The following PTPRM variants were observed in gnomAD, a reference collection of about 807,000 sequenced individuals.
The protein encoded by PTPRM is receptor-type tyrosine-protein phosphatase mu.
Under a neutral mutation model 186.7 loss-of-function variants are expected in PTPRM, and 47 were observed. That is an observed-to-expected ratio of 0.25 (90% CI 0.20 to 0.32). The LOEUF (loss-of-function observed/expected upper bound fraction) is 0.32. PTPRM is among the 10% of genes least tolerant of loss of function. PTPRM has a pLI of 1.00. For synonymous variants in PTPRM, 668 were observed against 674.9 expected, an observed-to-expected ratio of 0.99 and a Z score of 0.16; for missense variants, 1,494 against 1,865.0, an observed-to-expected ratio of 0.80 and a Z score of 3.66.
chr18:7,658,537 G>T (rs1197578305), intron 1 of PTPRM, among the ~76,000 whole-genome samples: 1 of 151,980 alleles, frequency 6.6e-6, no homozygotes, highest in Non-Finnish European at 1.5e-5. Context: ...GTTAGGGGTT[G>T]CATGTCTGAT....
Position 7,568,842 on chromosome 18 carries a change from G to A in PTPRM, c.73+951G>A, listed in dbSNP as rs569502501. On this transcript the variant is annotated intron_variant, in intron 1 of 32. Coordinates refer to ENST00000580170, the MANE Select transcript of PTPRM (RefSeq NM_001105244.2). The surrounding 1 kb of genome is among the most constrained non-coding windows in gnomAD (Gnocchi z 5.1). ...GGGCGAACCCGGCACGCTGTCACAGGGGTTTACAACCAGGATGACCTTTAT... is the reference window on the plus strand; with the variant it reads ...GGGCGAACCCGGCACGCTGTCACAGAGGTTTACAACCAGGATGACCTTTAT... 1.8e-4 allele frequency among the ~76,000 whole-genome samples: 28 copies of A among 152,272 alleles called. No homozygotes were observed. The highest frequency in any genetic ancestry group is 3.1e-4 in the Non-Finnish European group (21 of 68,026).
chr18:8,258,946 T>C (rs2094600896), intron 19 of PTPRM, among the ~76,000 whole-genome samples: 1 of 152,172 alleles, frequency 6.6e-6, no homozygotes, highest in African/African-American at 2.4e-5. Flanking sequence ...CGTACTTTTT[T>C]TGTTTTTGTT....
At chr18:8,301,883 G>A (rs1341877096) in intron 20 of PTPRM, among the ~76,000 whole-genome samples, 1 of 152,244 alleles carries the variant, frequency 6.6e-6, no homozygotes, top group Non-Finnish European at 1.5e-5. Context: ...GCCTCCCAGA[G>A]GGGATGAGAT....
intron 1 of PTPRM, among the ~76,000 whole-genome samples, chr18:7,644,912 A>G (rs142885882): frequency 1.2e-3 from 178 of 152,276 alleles, no homozygotes; most frequent in African/African-American, 4.1e-3. Context: ...GATCTTTCCA[A>G]TTACCTAAAC....
intron 7 of PTPRM, among the ~76,000 whole-genome samples, chr18:7,966,971 G>A (rs1410231277): frequency 8.4e-6 from 1 of 119,662 alleles, no homozygotes; most frequent in African/African-American, 2.7e-5. Flanking sequence ...TAGGAGGCCT[G>A]CCTGCCTCTG....
intron 20 of PTPRM, among the ~76,000 whole-genome samples, chr18:8,314,413 C>G: frequency 6.6e-6 from 1 of 152,202 alleles, no homozygotes; most frequent in Non-Finnish European, 1.5e-5. Flanking sequence ...AGGTGGGTGT[C>G]ACAGCCTTCA....
At chr18:7,762,124 G>T (rs1332609897) in intron 1 of PTPRM, among the ~76,000 whole-genome samples, 1 of 152,082 alleles carries the variant, frequency 6.6e-6, no homozygotes, top group African/African-American at 2.4e-5. Context: ...GTGCAATAGA[G>T]AAGACAAGCA....
intron 1 of PTPRM, among the ~76,000 whole-genome samples, chr18:7,758,606 T>C (rs745904703): frequency 4.6e-5 from 7 of 152,204 alleles, no homozygotes; most frequent in African/African-American, 9.7e-5. Flanking sequence ...TAATTAAACC[T>C]TCTGGTTTCC....
At chr18:7,739,027 C>G (rs1386597072) in intron 1 of PTPRM, among the ~76,000 whole-genome samples, 1 of 152,124 alleles carries the variant, frequency 6.6e-6, no homozygotes, top group African/African-American at 2.4e-5. Context: ...AGCCACTGAG[C>G]TGGTCATTGC....
At chr18:7,834,992 C>CTTTT (rs57839485) in intron 2 of PTPRM, among the ~76,000 whole-genome samples, 4 of 85,244 alleles carry the variant, frequency 4.7e-5, no homozygotes, top group East Asian at 3.7e-4. Flanking sequence ...TTATTTGGAT[C>CTTTT]TTTTTTTTTT....
intron 3 of PTPRM, among the ~76,000 whole-genome samples, chr18:7,904,792 G>C (rs1567993085): frequency 6.6e-6 from 1 of 152,128 alleles, no homozygotes; most frequent in South Asian, 2.1e-4. Context: ...GAGTGCAATG[G>C]TTAGGTTGTA....
intron 1 of PTPRM, among the ~76,000 whole-genome samples, chr18:7,772,857 G>T (rs998751570): frequency 6.6e-6 from 1 of 151,998 alleles, no homozygotes; most frequent in African/African-American, 2.4e-5. Context: ...GTCATCAGTG[G>T]CAAACAATTA....
At chr18:7,888,006 T>G (rs774576547) in intron 2 of PTPRM, 100 bp from the exon 3 acceptor site, 1 of 1,394,424 alleles carries the variant, frequency 7.2e-7, no homozygotes, top group South Asian at 1.2e-5. Flanking sequence ...AAGTAAGACA[T>G]GGAATTGCAG....
chr18:7,884,952 G>C lies in PTPRM; in HGVS notation c.197-3154G>C, dbSNP rs796990330. On this transcript the variant is annotated intron_variant, in intron 2 of 32. Transcript: ENST00000580170. ...AAAAAAAAAAAAAAAAAAAAAAAAAGGAGAGAGAGAAAATAGCAGATCTTG... is the reference window on the plus strand; with the variant it reads ...AAAAAAAAAAAAAAAAAAAAAAAAACGAGAGAGAGAAAATAGCAGATCTTG... 3.9e-5 allele frequency among the ~76,000 whole-genome samples: 3 copies of C among 76,458 alleles called. 1 individual carries two copies. The highest frequency in any genetic ancestry group is 5.3e-5 in the Non-Finnish European group (2 of 37,476). 50.2% of individuals were successfully genotyped at this position (76,458 alleles called of 152,430 possible).
At chr18:8,113,153 AATC>A (rs1301894560) in intron 11 of PTPRM, among the ~76,000 whole-genome samples, 4 of 152,250 alleles carry the variant, frequency 2.6e-5, no homozygotes, top group African/African-American at 9.6e-5. Context: ...TTATCTGTAA[AATC>A]ATCGTCAGTT....
At chr18:7,857,700 A>C (rs1326327226) in intron 2 of PTPRM, among the ~76,000 whole-genome samples, 1 of 152,132 alleles carries the variant, frequency 6.6e-6, no homozygotes, top group Non-Finnish European at 1.5e-5. Flanking sequence ...AGTTTCTTTC[A>C]GCCATTACCT....
intron 1 of PTPRM, among the ~76,000 whole-genome samples, chr18:7,663,705 A>G (rs2039029168): frequency 1.3e-5 from 2 of 152,210 alleles, no homozygotes; most frequent in African/African-American, 4.8e-5. Flanking sequence ...CATTAAACAT[A>G]CTGAAATAGA....
chr18:8,221,558 A>C (rs2094153182), intron 14 of PTPRM, among the ~76,000 whole-genome samples: 1 of 152,178 alleles, frequency 6.6e-6, no homozygotes, highest in South Asian at 2.1e-4. Flanking sequence ...AGATAGAAAA[A>C]CGAAAGTGAC....
At chr18:8,164,628 T>C (rs148442617) in intron 14 of PTPRM, among the ~76,000 whole-genome samples, 115 of 152,252 alleles carry the variant, frequency 7.6e-4, no homozygotes, top group Admixed American at 1.2e-3. Flanking sequence ...ATTCCACTTA[T>C]ATAAGTACCT....
Sources: gnomAD v4.1 joint callset for allele counts (sites outside exome capture counted in the v4.1 genomes callset) on GRCh38, gnomAD v4.1.1 for gene constraint, Gnocchi (gnomAD v3.1) non-coding constraint, MANE v1.5 for transcripts, NCBI Gene and HGNC (gene_info 2026-07-23, HGNC 2026-07-21) for gene names.